Variants in CNBD1 observed in about 807,000 individuals in gnomAD.
CNBD1 encodes cyclic nucleotide-binding domain-containing protein 1.
CNBD1 carries 71 observed loss-of-function variants against 54.4 expected under a neutral mutation model. The observed-to-expected ratio is 1.30, with a 90% confidence interval of 1.08 to 1.59. The LOEUF (loss-of-function observed/expected upper bound fraction) is 1.59, where lower values mean the gene tolerates loss of function less well. Among genes scored for constraint, CNBD1 ranks in the 40% most tolerant of loss-of-function variants. The pLI is 0.00. For missense variants in CNBD1, 659 were observed against 518.0 expected (o/e 1.27, Z -2.64); for synonymous variants, 182 against 170.7 (o/e 1.07, Z -0.51).
rs963460476 is a variant in CNBD1, at chr8:87,389,547, A to G, written c.213+35761A>G. Among the ~76,000 whole-genome samples, 5 of 152,190 alleles carry G rather than the reference A, an allele frequency of 3.3e-5. No homozygotes were observed. In the East Asian group the frequency reaches 9.6e-4, roughly 29 times the overall value. On this transcript the variant is annotated intron_variant, in intron 2 of 7. Coordinates refer to the CNBD1 transcript ENST00000521593. ...TATCCAGGAATCCAACTTACAAGGG[A>G]CATGAATTACCTCTTCAAGGAGAAC...
At chr8:87,118,437 G>A (rs1331068349) in intron 4 of CNBD1, among the ~76,000 whole-genome samples, 1 of 151,938 alleles carries the variant, frequency 6.6e-6, no homozygotes, top group Non-Finnish European at 1.5e-5. Context: ...ATTTCACTGA[G>A]AAAATATTAT....
chr8:87,230,175 A>G (rs533976008), intron 5 of CNBD1, among the ~76,000 whole-genome samples: 14 of 152,258 alleles, frequency 9.2e-5, no homozygotes, highest in Admixed American at 2.6e-4. Context: ...TGAAAAATCT[A>G]TCACTAGAAC....
intron 4 of CNBD1, among the ~76,000 whole-genome samples, chr8:86,977,916 C>G (rs1345002717): frequency 6.6e-6 from 1 of 152,000 alleles, no homozygotes; most frequent in Non-Finnish European, 1.5e-5. Context: ...CAAATCCAGA[C>G]AAAAACACAA....
At chr8:87,266,339 A>T (rs1302023320) in intron 6 of CNBD1, among the ~76,000 whole-genome samples, 1 of 150,376 alleles carries the variant, frequency 6.6e-6, no homozygotes, top group African/African-American at 2.4e-5. Flanking sequence ...CACAAAATAA[A>T]GCTATAATAA....
Position 87,025,196 on chromosome 8 carries a change from ACTCTGTAAAATGGACCAATCAGCG to A in CNBD1, c.431+85463_431+85486del, listed in dbSNP as rs1563439271. Among the ~76,000 whole-genome samples the A allele has an allele frequency of 6.2e-5, 9 of 145,336 alleles. No homozygotes were observed. In the South Asian group the frequency reaches 6.2e-4, roughly 10 times the overall value. The stretch of plus-strand genomic sequence containing the variant: ...CACTCCGTAAAATGGACCAATCAGC[ACTCTGTAAAATGGACCAATCAGCG>A]CTCTGTAAAATGGACCAATCCCCAG... On this transcript the variant is annotated intron_variant, in intron 4 of 10. Transcript: ENST00000518476.
intron 10 of CNBD1, among the ~76,000 whole-genome samples, chr8:87,381,970 A>G (rs1399675075): frequency 6.6e-6 from 1 of 151,902 alleles, no homozygotes; most frequent in Non-Finnish European, 1.5e-5. Context: ...TACACTTAAA[A>G]ATTTGTGTTG....
rs7834225 is a variant in CNBD1, at chr8:87,425,921, A to C, written c.214-2625A>C. 3.2e-3 allele frequency among the ~76,000 whole-genome samples: 481 copies of C among 151,722 alleles called. 5 individuals are homozygous for C. Among genetic ancestry groups the C allele is most frequent in the African/African-American group, 0.01 (421 of 41,438 alleles). On this transcript the variant is annotated intron_variant, in intron 2 of 7. Coordinates refer to the CNBD1 transcript ENST00000521593. Reference sequence around the variant, plus strand: ...TGGCGGGCGCCCCTCCCCCAGCCTCACTGCTGCCTTGCAGTTTGATCTCAG... The same window carrying C: ...TGGCGGGCGCCCCTCCCCCAGCCTCCCTGCTGCCTTGCAGTTTGATCTCAG...
intron 4 of CNBD1, among the ~76,000 whole-genome samples, chr8:86,962,629 CA>C (rs1476371747): frequency 6.6e-6 from 1 of 151,902 alleles, no homozygotes; most frequent in East Asian, 1.9e-4. Flanking sequence ...ACTAAAAATA[CA>C]AAAAACTTAG....
At chr8:86,882,026 ATTAAC>A (rs1487929599) in intron 1 of CNBD1, among the ~76,000 whole-genome samples, 3 of 152,196 alleles carry the variant, frequency 2.0e-5, no homozygotes, top group Non-Finnish European at 4.4e-5. Context: ...ATATTCAATA[ATTAAC>A]TTAATATGGA....
intron 4 of CNBD1, among the ~76,000 whole-genome samples, chr8:87,092,552 T>G: frequency 3.5e-5 from 2 of 57,412 alleles, no homozygotes; most frequent in Middle Eastern, 7.2e-3. Flanking sequence ...TGTATATATA[T>G]ATATACACAT....
intron 2 of CNBD1, among the ~76,000 whole-genome samples, chr8:87,410,801 G>C (rs889303636): frequency 7.9e-5 from 12 of 152,048 alleles, no homozygotes; most frequent in African/African-American, 2.7e-4. Flanking sequence ...CGTATTTTGA[G>C]AAACTGCCAC....
At chr8:87,058,421 G>A (rs996050837) in intron 4 of CNBD1, among the ~76,000 whole-genome samples, 3 of 152,326 alleles carry the variant, frequency 2.0e-5, no homozygotes, top group Admixed American at 6.5e-5. Flanking sequence ...GACTCTGTGT[G>A]GGGATTCCAA....
At chr8:87,058,435 C>T (rs887729294) in intron 4 of CNBD1, among the ~76,000 whole-genome samples, 4 of 152,222 alleles carry the variant, frequency 2.6e-5, no homozygotes, top group Non-Finnish European at 4.4e-5. Flanking sequence ...ATTCCAACCC[C>T]ACATTTCCTT....
chr8:87,421,426 TC>T (rs1486091779), intron 2 of CNBD1, among the ~76,000 whole-genome samples: 2 of 45,334 alleles, frequency 4.4e-5, no homozygotes, highest in Non-Finnish European at 8.2e-5. Flanking sequence ...CCTCCCCCCC[TC>T]CCCCCACCCC....
intron 4 of CNBD1, among the ~76,000 whole-genome samples, chr8:87,162,524 A>C (rs1024064230): frequency 3.9e-5 from 6 of 152,138 alleles, no homozygotes; most frequent in Non-Finnish European, 8.8e-5. Flanking sequence ...TGTTGATCAT[A>C]AATTGATAAA....
At chr8:87,326,406 CT>C (rs1261312130) in intron 8 of CNBD1, among the ~76,000 whole-genome samples, 1 of 126,106 alleles carries the variant, frequency 7.9e-6, no homozygotes, top group Non-Finnish European at 1.8e-5. Context: ...TGTTTTCCAA[CT>C]TGGTTCCATT....
At position 87,366,346 on chromosome 8, in the gene CNBD1, CT is replaced by C. The variant is rs148705669; in HGVS notation, c.1303+12561del. Among the ~76,000 whole-genome samples, 415 of 152,086 alleles carry C rather than the reference CT, an allele frequency of 2.7e-3. 1 individual carries two copies. Among genetic ancestry groups the C allele is most frequent in the African/African-American group, 9.5e-3 (396 of 41,528 alleles). On this transcript the variant is annotated intron_variant, in intron 10 of 10. Coordinates refer to ENST00000518476, the MANE Select transcript of CNBD1 (RefSeq NM_173538.3). ...CCTTGCAGCTGCAGAACTGAAATTC[CT>C]GTTTTCTTGCGGTTTTTACCTGAGG...
chr8:87,247,004 A>G (rs1807819767), intron 6 of CNBD1, among the ~76,000 whole-genome samples: 2 of 152,102 alleles, frequency 1.3e-5, no homozygotes, highest in Non-Finnish European at 2.9e-5. Context: ...GCCTATGTCC[A>G]GTCTACTCCA....
intron 6 of CNBD1, among the ~76,000 whole-genome samples, chr8:87,240,253 TTCTC>T (rs1807667786): frequency 6.6e-6 from 1 of 152,162 alleles, no homozygotes; most frequent in Non-Finnish European, 1.5e-5. Context: ...AAGTTGAAGA[TTCTC>T]AATAATTATT....
Sources: gnomAD v4.1 joint callset for allele counts (sites outside exome capture counted in the v4.1 genomes callset) on GRCh38, gnomAD v4.1.1 for gene constraint, MANE v1.5 for transcripts, NCBI Gene and HGNC (gene_info 2026-07-23, HGNC 2026-07-21) for gene names.